SUMF1: variants seen among roughly 807,000 people sequenced by gnomAD.
SUMF1 encodes the protein sulfatase modifying factor 1, also known as formylglycine-generating enzyme.
In SUMF1, 48 loss-of-function variants were observed where a neutral mutation model predicts 47.6. The observed-to-expected ratio is 1.01, with a 90% CI of 0.80 to 1.28. SUMF1 has a LOEUF of 1.28. Ranked by LOEUF, SUMF1 falls within the 50% of genes most tolerant of loss-of-function variation. The pLI, the probability that SUMF1 is intolerant of heterozygous loss-of-function variation, is 0.00. For synonymous variants in SUMF1, 230 were observed against 192.1 expected, an observed-to-expected ratio of 1.20 and a Z score of -1.63; for missense variants, 571 against 485.4, an observed-to-expected ratio of 1.18 and a Z score of -1.66.
At chr3:4,277,783 T>C (rs1223398410) in intron 8 of SUMF1, among the ~76,000 whole-genome samples, 1 of 152,080 alleles carries the variant, frequency 6.6e-6, no homozygotes, top group Non-Finnish European at 1.5e-5. Flanking sequence ...CATTAAATAA[T>C]AGGCCAATAA....
chr3:4,149,088 A>T (rs1694258961), intron 8 of SUMF1, among the ~76,000 whole-genome samples: 1 of 152,166 alleles, frequency 6.6e-6, no homozygotes, highest in Admixed American at 6.5e-5. Flanking sequence ...GATTCTCTGG[A>T]GTTCCTTAAG....
intron 8 of SUMF1, among the ~76,000 whole-genome samples, chr3:4,197,701 G>T (rs768749514): frequency 6.6e-6 from 1 of 151,908 alleles, no homozygotes; most frequent in Non-Finnish European, 1.5e-5. Context: ...GCCTATAAAA[G>T]ATACTCTATT....
intron 8 of SUMF1, among the ~76,000 whole-genome samples, chr3:4,265,637 T>C (rs1697176797): frequency 6.6e-6 from 1 of 152,168 alleles, no homozygotes; most frequent in African/African-American, 2.4e-5. Context: ...TAGCCCTTTG[T>C]CAGATGAGTA....
chr3:4,266,506 TTCAC>T (rs1697197940), intron 8 of SUMF1, among the ~76,000 whole-genome samples: 1 of 152,186 alleles, frequency 6.6e-6, no homozygotes, highest in African/African-American at 2.4e-5. Flanking sequence ...TGAATGGGAG[TTCAC>T]TCATGATTTG....
chr3:4,215,750 A>G (rs967498334), intron 8 of SUMF1, among the ~76,000 whole-genome samples: 2 of 152,130 alleles, frequency 1.3e-5, no homozygotes, highest in African/African-American at 2.4e-5. Flanking sequence ...TACACCAATA[A>G]CAGACAGAGA....
chr3:4,255,750 C>T (rs313657), intron 8 of SUMF1, among the ~76,000 whole-genome samples: 5,774 of 123,910 alleles, frequency 0.047, 117 homozygotes, highest in South Asian at 0.15. Flanking sequence ...GAACTCAGCT[C>T]TGCACCAAGC....
chr3:4,265,423 A>G (rs568501709), intron 8 of SUMF1, among the ~76,000 whole-genome samples: 59 of 152,292 alleles, frequency 3.9e-4, no homozygotes, highest in African/African-American at 1.3e-3. Flanking sequence ...AACAATGATC[A>G]TGATTTTTCA....
intron 8 of SUMF1, among the ~76,000 whole-genome samples, chr3:4,335,200 C>G (rs1213576073): frequency 6.6e-6 from 1 of 152,088 alleles, no homozygotes; most frequent in Non-Finnish European, 1.5e-5. Context: ...ATCCTCCCAC[C>G]CATTCCTCAC....
chr3:4,438,533 G>C (rs972770555), intron 3 of SUMF1, among the ~76,000 whole-genome samples: 2 of 152,162 alleles, frequency 1.3e-5, no homozygotes, highest in Non-Finnish European at 2.9e-5. Flanking sequence ...CAAGAATCCT[G>C]TTAGGCCAGT....
intron 8 of SUMF1, among the ~76,000 whole-genome samples, chr3:4,299,577 G>A (rs1485704631): frequency 2.6e-5 from 4 of 152,246 alleles, no homozygotes; most frequent in Admixed American, 2.6e-4. Context: ...GGGAGGTGGA[G>A]ATGGGTGGAT....
At chr3:4,406,501 C>T (rs372563134) in intron 7 of SUMF1, among the ~76,000 whole-genome samples, 1 of 151,890 alleles carries the variant, frequency 6.6e-6, no homozygotes, top group Non-Finnish European at 1.5e-5. Flanking sequence ...ACTAAAAATA[C>T]AAAAAAATTA....
At chr3:4,270,467 A>G (rs1697281931) in intron 8 of SUMF1, among the ~76,000 whole-genome samples, 1 of 151,914 alleles carries the variant, frequency 6.6e-6, no homozygotes, top group East Asian at 1.9e-4. Context: ...ACTTAAATTC[A>G]AAGGATACAG....
At chr3:4,284,453 GAGGAGGAGGAGGAGGAGGAGA>G (rs901485944) in intron 8 of SUMF1, among the ~76,000 whole-genome samples, 5 of 140,766 alleles carry the variant, frequency 3.6e-5, no homozygotes, top group East Asian at 2.0e-4. Context: ...GGAGGAGGAG[GAGGAGGAGGAGGAGGAGGAGA>G]AGGAGGAGGA....
intron 3 of SUMF1, among the ~76,000 whole-genome samples, chr3:4,431,691 C>T (rs1223484816): frequency 6.6e-6 from 1 of 152,162 alleles, no homozygotes; most frequent in Admixed American, 6.5e-5. Context: ...ACAGAGCAGC[C>T]ACCCCACATG....
At chr3:4,426,104 G>T (rs928955304) in intron 3 of SUMF1, among the ~76,000 whole-genome samples, 2 of 152,176 alleles carry the variant, frequency 1.3e-5, no homozygotes, top group Non-Finnish European at 2.9e-5. Flanking sequence ...TTTAGTTGGG[G>T]ACACAGCCAA....
chr3:4,068,754 A>T, intron 8 of SUMF1: 1 of 361,082 alleles, frequency 2.8e-6, no homozygotes, highest in South Asian at 2.0e-5. Flanking sequence ...GACTAAAACA[A>T]ATAAGAAGAA....
At chr3:4,427,526 G>C (rs1297527413) in intron 3 of SUMF1, among the ~76,000 whole-genome samples, 1 of 152,208 alleles carries the variant, frequency 6.6e-6, no homozygotes, top group African/African-American at 2.4e-5. Flanking sequence ...AATTCATCAT[G>C]AAAGTAGGTA....
At chr3:4,144,804 A>G (rs1260165358) in intron 8 of SUMF1, among the ~76,000 whole-genome samples, 3 of 152,208 alleles carry the variant, frequency 2.0e-5, no homozygotes, top group Non-Finnish European at 4.4e-5. Flanking sequence ...TGAAAAACAG[A>G]TAATTCATGT....
At chr3:4,164,507 G>A (rs1300636988) in intron 8 of SUMF1, among the ~76,000 whole-genome samples, 1 of 152,122 alleles carries the variant, frequency 6.6e-6, no homozygotes, top group African/African-American at 2.4e-5. Context: ...TGGGCGAGGG[G>A]GCAGCTTGTT....
Sources: allele counts gnomAD v4.1 joint callset (sites outside exome capture counted in the v4.1 genomes callset), GRCh38; gene constraint gnomAD v4.1.1; transcripts MANE v1.5; gene names NCBI Gene and HGNC (gene_info 2026-07-23, HGNC 2026-07-21).